TENM2: variants seen among roughly 807,000 people sequenced by gnomAD.
The protein encoded by TENM2 is teneurin transmembrane protein 2, also known as teneurin-2.
A neutral mutation model predicts 245.2 loss-of-function variants in TENM2; 52 were observed. The observed-to-expected ratio is 0.21, with a 90% CI of 0.17 to 0.27. The LOEUF is 0.27. Among genes scored for constraint, TENM2 ranks in the 10% least tolerant of loss-of-function variants. The probability of loss-of-function intolerance (pLI) is 1.00; values close to 1 mark genes in which losing one functional copy is unlikely to be tolerated. For synonymous variants in TENM2, 1,363 were observed against 1,438.9 expected (o/e 0.95, Z 1.19); for missense variants, 3,046 against 3,666.8 (o/e 0.83, Z 4.37).
chr5:167,431,970 T>TGTGTGTATATATATATATATATAC (rs1554150945), intron 2 of TENM2, among the ~76,000 whole-genome samples: 71 of 135,526 alleles, frequency 5.2e-4, no homozygotes, highest in Non-Finnish European at 9.4e-4. Flanking sequence ...TGTATATATA[T>TGTGTGTATATATATATATATATAC]ATATATATGG....
At chr5:167,845,742 T>A (rs1309380390) in intron 2 of TENM2, among the ~76,000 whole-genome samples, 1 of 152,140 alleles carries the variant, frequency 6.6e-6, no homozygotes, top group Non-Finnish European at 1.5e-5. Flanking sequence ...TCTTAACCTG[T>A]TTTCAAAAAC....
chr5:167,474,008 A>AT (rs898120418), intron 2 of TENM2, among the ~76,000 whole-genome samples: 9 of 152,064 alleles, frequency 5.9e-5, no homozygotes, highest in Non-Finnish European at 1.2e-4. Context: ...ATCTGTAATG[A>AT]TTTTTTCCTA....
intron 2 of TENM2, among the ~76,000 whole-genome samples, chr5:167,801,220 A>G (rs1481164699): frequency 1.4e-5 from 2 of 148,086 alleles, no homozygotes; most frequent in Non-Finnish European, 3.0e-5. Context: ...GCAATTTCAT[A>G]TTAGTAAACA....
intron 1 of TENM2, among the ~76,000 whole-genome samples, chr5:167,290,709 C>T (rs1052558116): frequency 2.0e-4 from 30 of 150,986 alleles, no homozygotes; most frequent in African/African-American, 7.3e-4. Flanking sequence ...TACTATCTAA[C>T]AACTGTCAAC....
At chr5:167,041,829 C>A in the TENM2 span, among the ~76,000 whole-genome samples, 1 of 152,252 alleles carries the variant, frequency 6.6e-6, no homozygotes, top group African/African-American at 2.4e-5. Flanking sequence ...GTGGTCCATG[C>A]TGTGTGCTGG....
chr5:168,195,437 C>A, intron 15 of TENM2, 142 bp downstream of exon 17: 2 of 976,386 alleles, frequency 2.0e-6, no homozygotes, highest in South Asian at 1.7e-5. Flanking sequence ...GAGGATTCCC[C>A]CAAAGACATT....
the TENM2 span, among the ~76,000 whole-genome samples, chr5:167,093,722 C>T: frequency 6.6e-6 from 1 of 152,112 alleles, no homozygotes; most frequent in Admixed American, 6.6e-5. Flanking sequence ...AGAAAGGAAG[C>T]TGTGTGGACT....
At chr5:167,352,977 C>A (rs1411206273) in intron 1 of TENM2, among the ~76,000 whole-genome samples, 1 of 152,138 alleles carries the variant, frequency 6.6e-6, no homozygotes, top group African/African-American at 2.4e-5. Context: ...TCAATCAAAC[C>A]CCACTTCAGA....
At chr5:167,039,713 G>A in the TENM2 span, among the ~76,000 whole-genome samples, 1 of 138,418 alleles carries the variant, frequency 7.2e-6, no homozygotes, top group African/African-American at 2.9e-5. Context: ...GTTAGCATTG[G>A]TTTCACTTTA....
the TENM2 span, among the ~76,000 whole-genome samples, chr5:167,216,845 TC>T: frequency 3.9e-5 from 6 of 152,026 alleles, no homozygotes; most frequent in East Asian, 1.2e-3. Context: ...GAGAATTGCT[TC>T]AGCTCAGGAG....
At chr5:167,119,814 C>T in the TENM2 span, among the ~76,000 whole-genome samples, 1 of 152,162 alleles carries the variant, frequency 6.6e-6, no homozygotes. Flanking sequence ...AGATGAATCA[C>T]CCAGCATGTC....
At chr5:167,862,902 C>T (rs1771952753) in intron 2 of TENM2, among the ~76,000 whole-genome samples, 1 of 152,194 alleles carries the variant, frequency 6.6e-6, no homozygotes, top group South Asian at 2.1e-4. Flanking sequence ...AGAGAGCTCG[C>T]TGCAGACTGT....
At chr5:167,350,183 C>T (rs1758734770) in intron 1 of TENM2, among the ~76,000 whole-genome samples, 1 of 152,080 alleles carries the variant, frequency 6.6e-6, no homozygotes, top group African/African-American at 2.4e-5. Context: ...TCATGTCCTT[C>T]CCTTGGGTCA....
At chr5:167,541,248 A>G (rs1021783804) in intron 2 of TENM2, among the ~76,000 whole-genome samples, 1 of 152,010 alleles carries the variant, frequency 6.6e-6, no homozygotes, top group Non-Finnish European at 1.5e-5. Flanking sequence ...TTATTTTTTC[A>G]CTCGTAAAAA....
At chr5:167,271,981 G>T in the TENM2 span, among the ~76,000 whole-genome samples, 2 of 152,198 alleles carry the variant, frequency 1.3e-5, no homozygotes, top group East Asian at 3.9e-4. Flanking sequence ...CTACCCAGCG[G>T]TCACAGGAAT....
At chr5:167,663,286 G>A (rs955962464) in intron 2 of TENM2, among the ~76,000 whole-genome samples, 2 of 151,750 alleles carry the variant, frequency 1.3e-5, no homozygotes, top group Admixed American at 6.6e-5. Context: ...AGGATTTATT[G>A]GTGACATGCT....
the TENM2 span, among the ~76,000 whole-genome samples, chr5:166,979,318 G>A: frequency 6.6e-6 from 1 of 151,960 alleles, no homozygotes; most frequent in African/African-American, 2.4e-5. Context: ...CCGGGGGGCG[G>A]GTAAGAGGGA....
chr5:167,126,326 C>T, the TENM2 span, among the ~76,000 whole-genome samples: 1 of 152,184 alleles, frequency 6.6e-6, no homozygotes, highest in Non-Finnish European at 1.5e-5. Context: ...GCTGGCACCA[C>T]ACCAGTCCCA....
At chr5:167,365,956 G>A (rs1223932434) in intron 1 of TENM2, among the ~76,000 whole-genome samples, 5 of 151,756 alleles carry the variant, frequency 3.3e-5, no homozygotes. Context: ...AAGACATAAA[G>A]GATCAAATTT....
Sources: gnomAD v4.1 joint callset for allele counts (sites outside exome capture counted in the v4.1 genomes callset) on GRCh38, gnomAD v4.1.1 for gene constraint, MANE v1.5 for transcripts, NCBI Gene and HGNC (gene_info 2026-07-23, HGNC 2026-07-21) for gene names.